CEP295: variants seen among roughly 807,000 people sequenced by gnomAD.
CEP295 encodes centrosomal protein 295.
In CEP295, 190 loss-of-function variants were observed where a neutral mutation model predicts 291.6. The ratio of observed to expected loss-of-function variants is 0.65; its 90% CI spans 0.58 to 0.73. The LOEUF is 0.73. Ranked by LOEUF, CEP295 falls within the 30% of genes least tolerant of loss-of-function variation. CEP295 has a pLI of 0.00. For synonymous variants in CEP295, 993 were observed against 1,038.8 expected, an observed-to-expected ratio of 0.96 and a Z score of 0.85; for missense variants, 2,863 against 2,949.4, an observed-to-expected ratio of 0.97 and a Z score of 0.68.
Position 93,683,973 on chromosome 11 carries a change from G to T in CEP295, c.959G>T (p.Gly320Val). 1.9e-6 allele frequency: 3 copies of T among 1,549,150 alleles called. No individual in the cohort carries two copies. Among genetic ancestry groups the T allele is most frequent in the Non-Finnish European group, 2.6e-6 (3 of 1,146,510 alleles). The part of the protein sequence containing the change: ...DMYNADRKVK[G>V]NLILHLEPEP... ...ATTTTTCTTTTTTAAGAGGTGAAAG[G>T]GAATCTGATTCTGCACCTTGAACCA... The change falls in exon 9 of 30, where the codon GGG (glycine) becomes GTG (valine). Residue 320 changes from glycine (G) to valine (V), a missense_variant. Coordinates refer to ENST00000325212, the MANE Select transcript of CEP295 (RefSeq NM_033395.2).
At chr11:93,724,529 G>A (rs1451131211) in intron 22 of CEP295, among the ~76,000 whole-genome samples, 154 bp downstream of exon 22, 1 of 152,212 alleles carries the variant, frequency 6.6e-6, no homozygotes, top group African/African-American at 2.4e-5. Flanking sequence ...CACTTTGAGA[G>A]CCCAAGGCGG....
chr11:93,684,306 A>C (rs1320117713), intron 9 of CEP295, among the ~76,000 whole-genome samples, 178 bp downstream of exon 9: 1 of 152,186 alleles, frequency 6.6e-6, no homozygotes, highest in Non-Finnish European at 1.5e-5. Flanking sequence ...ATCCTTTTTC[A>C]TATGTGTAGG....
chr11:93,698,221 A>C lies in CEP295; in HGVS notation c.3309A>C (p.Pro1103=), dbSNP rs2135111027. ...KSGLVSSSSS[P]VVVQHSVASQ... is the part of the protein sequence containing the mutation. ...GGCTGGTGAGCTCTTCATCCTCACCAGTGGTTGTTCAGCATTCAGTTGCTT... is the reference window on the plus strand; with the variant it reads ...GGCTGGTGAGCTCTTCATCCTCACCCGTGGTTGTTCAGCATTCAGTTGCTT... The change falls in exon 15 of 30, where the codon CCA becomes CCC. Residue 1103 remains proline, a synonymous_variant. Coordinates refer to ENST00000325212, the MANE Select transcript of CEP295 (RefSeq NM_033395.2). 1 of 1,551,902 alleles carries C rather than the reference A, an allele frequency of 6.4e-7. No individual in the cohort carries two copies.
chr11:93,696,973 G>A lies in CEP295; in HGVS notation c.2061G>A (p.Val687=), dbSNP rs1018156859. The A allele has an allele frequency of 1.3e-6, 2 of 1,551,620 alleles. No homozygotes were observed. Among genetic ancestry groups the A allele is most frequent in the African/African-American group, 1.4e-5 (1 of 73,022 alleles). ...ARQNHFPQRQ[V]ETTETLRASD... ...AAAATCACTTTCCACAAAGACAGGT[G>A]GAAACAACAGAAACATTACGCGCTT... The change falls in exon 15 of 30, where the codon GTG becomes GTA. Residue 687 remains valine (V), a synonymous_variant. Coordinates refer to ENST00000325212, the MANE Select transcript of CEP295 (RefSeq NM_033395.2).
At position 93,698,363 on chromosome 11, in the gene CEP295, A is replaced by G; in HGVS notation, c.3451A>G (p.Ser1151Gly). ...IIPTFQDKSL[S>G]FPQHSLAQQE... ...CCCAACATTTCAGGATAAGTCTCTT[A>G]GTTTTCCACAGCATAGCCTGGCACA... The change falls in exon 15 of 30, where the codon AGT (serine) becomes GGT (glycine). Residue 1151 changes from serine to glycine, a missense_variant. Ser to Gly is a moderately conservative substitution (Grantham distance 56). Coordinates refer to ENST00000325212, the MANE Select transcript of CEP295 (RefSeq NM_033395.2). The G allele has an allele frequency of 6.4e-7, 1 of 1,552,248 alleles. No homozygotes were observed. Among genetic ancestry groups the G allele is most frequent in the Non-Finnish European group, 8.7e-7 (1 of 1,147,100 alleles).
Position 93,697,082 on chromosome 11 carries a change from A to G in CEP295, c.2170A>G (p.Lys724Glu), listed in dbSNP as rs1951880166. Residue 724 changes from lysine (K) to glutamate (E), a missense_variant, in exon 15 of 30, where the codon AAA becomes GAA. By Grantham distance (56) the Lys-to-Glu change is moderately conservative. Transcript: ENST00000325212. ...GACTGAAACACAACAGAGAGACTAT[A>G]AATTGGTCCCCAAAGATTCTGAGAC... ...SQTETQQRDYKLVPKDSETLS... is the reference protein window; with the variant it reads ...SQTETQQRDYELVPKDSETLS... 1.9e-6 allele frequency: 3 copies of G among 1,551,558 alleles called. No homozygotes were observed. The highest frequency in any genetic ancestry group is 1.4e-5 in the African/African-American group (1 of 73,058).
intron 18 of CEP295, chr11:93,719,616 G>C (rs536183562): frequency 6.6e-6 from 1 of 152,128 alleles, no homozygotes; most frequent in East Asian, 1.9e-4. Flanking sequence ...TGGTCCGAAT[G>C]TAATGAGTTA....
chr11:93,662,024 C>G (rs375422333), intron 1 of CEP295, among the ~76,000 whole-genome samples: 94 of 152,302 alleles, frequency 6.2e-4, no homozygotes, highest in African/African-American at 2.1e-3. Context: ...CTCCTGGGGT[C>G]GGGTCGCGCG....
chr11:93,727,039 C>A lies in CEP295; in HGVS notation c.6563C>A (p.Ala2188Asp). ...TCTTCACAGGAGGAGAGCCAGCATG[C>A]TGATCTACCAAGTATTTTTAGCATT... is the stretch of plus-strand genomic sequence containing the variant. ...EYSSQEESQH[A>D]DLPSIFSIEA... The change falls in exon 24 of 30, where the codon GCT becomes GAT. Residue 2188 changes from alanine (A) to aspartate (D), a missense_variant. Around this residue, in one of 3 missense-constraint regions of CEP295, gnomAD observed 2,295 missense variants for 2,335.7 expected, o/e 0.98. Transcript: ENST00000325212. 1 of 1,550,948 alleles carries A rather than the reference C, an allele frequency of 6.4e-7. No individual in the cohort carries two copies. Among genetic ancestry groups the A allele is most frequent in the South Asian group, 1.2e-5 (1 of 83,732 alleles).
At chr11:93,722,613 T>A (rs2135322348) in intron 20 of CEP295, 1 of 163,006 alleles carries the variant, frequency 6.1e-6, no homozygotes, top group South Asian at 1.7e-4. Context: ...AGTGGAAACC[T>A]ATCCGAGCAA....
chr11:93,706,684 A>C, intron 17 of CEP295, 61 bp from the exon 18 acceptor site: 2 of 1,377,596 alleles, frequency 1.5e-6, no homozygotes. Flanking sequence ...ATAAATTGGC[A>C]CTTTAGTTCT....
Position 93,697,967 on chromosome 11 carries a change from G to A in CEP295, c.3055G>A (p.Glu1019Lys). 6 of 1,551,562 alleles carry A rather than the reference G, an allele frequency of 3.9e-6. No homozygotes were observed. Among genetic ancestry groups the A allele is most frequent in the Non-Finnish European group, 5.2e-6 (6 of 1,146,948 alleles). The change falls in exon 15 of 30, where the codon GAG becomes AAG. Residue 1019 changes from glutamate (E) to lysine (K), a missense_variant. Transcript: ENST00000325212. The part of the protein sequence containing the change: ...SADTKSGKIQ[E>K]QHSSKSEKGL... ...TGATACAAAATCTGGAAAAATACAGGAGCAACATTCATCTAAGAGCGAGAA... is the reference window on the plus strand; with the variant it reads ...TGATACAAAATCTGGAAAAATACAGAAGCAACATTCATCTAAGAGCGAGAA...
In CEP295 at chr11:93,683,948, AT is replaced by A; in HGVS notation, c.950-11del. 1 of 1,539,674 alleles carries A rather than the reference AT, an allele frequency of 6.5e-7. No homozygotes were observed. Among genetic ancestry groups the A allele is most frequent in the Non-Finnish European group, 8.7e-7 (1 of 1,144,210 alleles). On this transcript the variant is annotated splice_polypyrimidine_tract_variant and intron_variant, in intron 8 of 29. Transcript: ENST00000325212. ...CATTTTGGAATGGAAACGTGTCTCT[AT>A]TTTTCTTTTTTAAGAGGTGAAAGGG...
At chr11:93,687,601 C>T in intron 9 of CEP295, 43 bp from the exon 10 acceptor site, 3 of 1,095,828 alleles carry the variant, frequency 2.7e-6, no homozygotes, top group South Asian at 3.0e-5. Flanking sequence ...CCTGGTAATA[C>T]AATAGATGCT....
intron 5 of CEP295, among the ~76,000 whole-genome samples, chr11:93,674,645 A>G (rs919708759): frequency 6.6e-6 from 1 of 152,212 alleles, no homozygotes; most frequent in African/African-American, 2.4e-5. Flanking sequence ...TTTTCTTGAG[A>G]AAGCCGAGGG....
At chr11:93,681,403 ATTTTTTTTTTTTTT>A (rs71064773) in intron 7 of CEP295, among the ~76,000 whole-genome samples, 10 of 36,532 alleles carry the variant, frequency 2.7e-4, no homozygotes, top group African/African-American at 6.2e-4. Flanking sequence ...CACCCAGCTA[ATTTTTTTTTTTTTT>A]TTTTTTTTTT....
Position 93,698,639 on chromosome 11 carries a change from CTT to C in CEP295, c.3730_3731del (p.Leu1244GlufsTer12). 2 of 1,551,064 alleles carry C rather than the reference CTT, an allele frequency of 1.3e-6. No homozygotes were observed. Among genetic ancestry groups the C allele is most frequent in the Admixed American group, 2.0e-5 (1 of 51,018 alleles). On this transcript the variant is annotated frameshift_variant, in exon 15 of 30. Transcript: ENST00000325212. LOFTEE classifies it high-confidence loss of function. ...HPKIPRCQER[L>X]LRVSQHMLPL... ...TAAGATCCCAAGATGTCAGGAAAGA[CTT>C]TTGAGAGTTTCACAACATATGCTAC...
intron 7 of CEP295, among the ~76,000 whole-genome samples, chr11:93,680,852 C>CT (rs1950925538): frequency 6.6e-6 from 1 of 152,080 alleles, no homozygotes. Flanking sequence ...AAATACCCAT[C>CT]TTAGGAATGA....
At position 93,702,609 on chromosome 11, in the gene CEP295, T is replaced by C; in HGVS notation, c.5424T>C (p.Ala1808=). The change falls in exon 16 of 30, where the codon GCT becomes GCC. Residue 1808 remains alanine (A), a synonymous_variant. Transcript: ENST00000325212. The part of the protein sequence containing the change: ...DRNNSDDNHL[A]SEDTSAKQSG... ...ACAACTCTGATGATAATCATTTGGC[T>C]TCAGAAGATACTAGTGCCAAGCAAA... is the stretch of plus-strand genomic sequence containing the variant. The C allele has an allele frequency of 6.5e-7, 1 of 1,547,346 alleles. No individual in the cohort carries two copies. The highest frequency in any genetic ancestry group is 8.7e-7 in the Non-Finnish European group (1 of 1,145,678).
Sources: gnomAD v4.1 joint callset for allele counts (sites outside exome capture counted in the v4.1 genomes callset) on GRCh38, gnomAD v4.1.1 for gene constraint, gnomAD v4.1.1 regional missense constraint, MANE v1.5 for transcripts, NCBI Gene and HGNC (gene_info 2026-07-23, HGNC 2026-07-21) for gene names.